EIF1AX: variants seen among roughly 807,000 people sequenced by gnomAD.
EIF1AX encodes eukaryotic translation initiation factor 1A X-linked.
In EIF1AX, 1 loss-of-function variant was observed where a neutral mutation model predicts 16.1. The ratio of observed to expected loss-of-function variants is 0.06; its 90% CI spans 0.02 to 0.30. The LOEUF is 0.30. EIF1AX is among the 10% of genes least tolerant of loss of function. The probability of loss-of-function intolerance (pLI) is 1.00; values close to 1 mark genes in which losing one functional copy is unlikely to be tolerated. For missense variants in EIF1AX, 11 were observed against 109.1 expected (o/e 0.10, Z 4.00); for synonymous variants, 32 against 37.3 (o/e 0.86, Z 0.51).
chrX:20,127,066 T>C lies in EIF1AX; in HGVS notation c.*1240A>G, dbSNP rs762485395. On this transcript the variant is annotated 3_prime_UTR_variant, in exon 7 of 7. Transcript: ENST00000379607. ...TTCAGTTTGGCTAGTGAGGGCTAAC[T>C]AGCTCAGCCCTAGTTTCATTTTATT... 41 of 145,537 alleles carry C rather than the reference T, an allele frequency of 2.8e-4. No individual in the cohort carries two copies. In the East Asian group the frequency reaches 4.5e-3, roughly 16 times the overall value. 12.0% of individuals were successfully genotyped at this position (145,537 alleles called of 1,213,427 possible). A position where few individuals can be genotyped will look rare whatever the true frequency, so the allele number is the denominator to read the frequency against.
At chrX:20,134,069 G>A (rs1418953274) in intron 3 of EIF1AX, 62 bp from the exon 4 acceptor site, 1 of 1,082,386 alleles carries the variant, frequency 9.2e-7, no homozygotes, top group South Asian at 2.0e-5. Context: ...AAATTCCAGA[G>A]TAACAATCAA....
At chrX:20,133,569 T>C (rs1182500395) in intron 4 of EIF1AX, among the ~76,000 whole-genome samples, 2 of 110,387 alleles carry the variant, frequency 1.8e-5, no homozygotes, top group South Asian at 3.8e-4. Context: ...GATAGTATCA[T>C]ACAGGGATGA....
At chrX:20,128,996 C>T (rs1240110472) in intron 6 of EIF1AX, among the ~76,000 whole-genome samples, 2 of 109,139 alleles carry the variant, frequency 1.8e-5, no homozygotes, top group Admixed American at 9.9e-5. Context: ...TTTGGGTTGG[C>T]GCTTAATCCA....
rs1164146160 is a variant in EIF1AX at position 20,125,775 on chromosome X, C to CACAA, written c.*2527_*2530dup. The CACAA allele has an allele frequency of 6.4e-6, 1 of 157,360 alleles. No homozygotes were observed. Among genetic ancestry groups the CACAA allele is most frequent in the African/African-American group, 3.0e-5 (1 of 32,897 alleles). The allele number at this position is 157,360 out of a possible 1,213,427, so 13.0% of individuals were successfully genotyped here. ...GATGAGATTAAGTTAAATTACAAGT[C>CACAA]ACAAAGAGTTTGTAAGCAAACATTT... On this transcript the variant is annotated 3_prime_UTR_variant, in exon 7 of 7. Coordinates refer to ENST00000379607, the MANE Select transcript of EIF1AX (RefSeq NM_001412.4).
intron 5 of EIF1AX, 127 bp from the exon 6 acceptor site, chrX:20,130,734 T>G: frequency 4.9e-6 from 3 of 608,828 alleles, no homozygotes; most frequent in Non-Finnish European, 4.6e-6. Context: ...ATTCCTGCAG[T>G]GTCACTGCTA....
intron 4 of EIF1AX, among the ~76,000 whole-genome samples, chrX:20,132,797 GA>G (rs2067004979): frequency 8.9e-6 from 1 of 112,279 alleles, no homozygotes; most frequent in African/African-American, 3.2e-5. Flanking sequence ...AGTATTGTGA[GA>G]AGTTCTTTAG....
chrX:20,137,369 C>A (rs1708015303), intron 2 of EIF1AX, among the ~76,000 whole-genome samples: 1 of 110,969 alleles, frequency 9.0e-6, no homozygotes, highest in South Asian at 3.8e-4. Context: ...TGGCGTGAAC[C>A]CGGGAGGTGG....
chrX:20,132,063 C>T (rs764745833), intron 5 of EIF1AX, 119 bp downstream of exon 5: 42 of 451,679 alleles, frequency 9.3e-5, no homozygotes, highest in Non-Finnish European at 1.5e-4. Context: ...GGCAGGCATA[C>T]TTAAAACTAA....
In EIF1AX at chrX:20,128,244, A is replaced by C; in HGVS notation, c.*62T>G. On this transcript the variant is annotated 3_prime_UTR_variant, in exon 7 of 7. Transcript: ENST00000379607. ...TGAAATTTTAATCTTCTTTGTCATGATCAAAATCCAAATTGTAGGACAATC... is the reference window on the plus strand; with the variant it reads ...TGAAATTTTAATCTTCTTTGTCATGCTCAAAATCCAAATTGTAGGACAATC... 1 of 1,085,144 alleles carries C rather than the reference A, an allele frequency of 9.2e-7. No individual in the cohort carries two copies. The highest frequency in any genetic ancestry group is 1.3e-6 in the Non-Finnish European group (1 of 791,463). 89.4% of individuals were successfully genotyped at this position (1,085,144 alleles called of 1,213,427 possible).
At chrX:20,136,095 T>G in intron 2 of EIF1AX, 1 of 323,050 alleles carries the variant, frequency 3.1e-6, no homozygotes, top group Non-Finnish European at 5.6e-6. Flanking sequence ...GAAAACTTCA[T>G]AGTTACAAAG....
intron 3 of EIF1AX, among the ~76,000 whole-genome samples, chrX:20,135,100 C>CTT (rs755530368): frequency 4.2e-4 from 37 of 88,202 alleles, no homozygotes; most frequent in Middle Eastern, 0.012. Context: ...AGTACCCCAG[C>CTT]TTTTTTTTTT....
At chrX:20,133,854 C>A in intron 4 of EIF1AX, 103 bp downstream of exon 4, 1 of 619,671 alleles carries the variant, frequency 1.6e-6, no homozygotes, top group East Asian at 3.6e-5. Flanking sequence ...AAACATAAAT[C>A]CCTGGGATAC....
chrX:20,127,113 A>C lies in EIF1AX; in HGVS notation c.*1193T>G, dbSNP rs868618805. On this transcript the variant is annotated 3_prime_UTR_variant, in exon 7 of 7. Coordinates refer to ENST00000379607, the MANE Select transcript of EIF1AX (RefSeq NM_001412.4). ...TATTAGAGTTGACCACTAAAAACTA[A>C]ATAAGGAAGTTACCAGTAAAGCTAA... 2,805 of 150,248 alleles carry C rather than the reference A, an allele frequency of 0.019. 2 individuals are homozygous for C. Among genetic ancestry groups the C allele is most frequent in the African/African-American group, 0.08 (2,575 of 32,268 alleles). 12.4% of individuals were successfully genotyped at this position (150,248 alleles called of 1,213,427 possible). A position where few individuals can be genotyped will look rare whatever the true frequency, so the allele number is the denominator to read the frequency against.
At position 20,136,341 on chromosome X, in the gene EIF1AX, G is replaced by A. The variant is rs144941267; in HGVS notation, c.101-500C>T. 175 of 349,139 alleles carry A rather than the reference G, an allele frequency of 5.0e-4. 1 individual carries two copies. Among genetic ancestry groups the A allele is most frequent in the African/African-American group, 4.1e-3 (159 of 38,620 alleles). 28.8% of individuals were successfully genotyped at this position (349,139 alleles called of 1,213,427 possible). A position where few individuals can be genotyped will look rare whatever the true frequency, so the allele number is the denominator to read the frequency against. ...GTAGAGATCATGCATCAGGTAGACC[G>A]GAAAGCCTTCTGATGCTCAGATTTG... On this transcript the variant is annotated intron_variant, in intron 2 of 6. Coordinates refer to ENST00000379607, the MANE Select transcript of EIF1AX (RefSeq NM_001412.4).
chrX:20,141,783 G>A lies in EIF1AX; in HGVS notation c.-143C>T, dbSNP rs1362336701. 1.7e-5 allele frequency: 10 copies of A among 589,425 alleles called. No individual in the cohort carries two copies. Among genetic ancestry groups the A allele is most frequent in the East Asian group, 4.4e-5 (1 of 22,733 alleles). The allele number at this position is 589,425 out of a possible 1,213,427, so 48.6% of individuals were successfully genotyped here. On this transcript the variant is annotated 5_prime_UTR_variant, in exon 1 of 7. Coordinates refer to ENST00000379607, the MANE Select transcript of EIF1AX (RefSeq NM_001412.4). Reference sequence around the variant, plus strand: ...CCAGGCAACGTGCGCGGGAGAGGCTGGCGACCCAGCTCTTCAGAGATCCGC... The same window carrying A: ...CCAGGCAACGTGCGCGGGAGAGGCTAGCGACCCAGCTCTTCAGAGATCCGC...
chrX:20,135,461 GA>G (rs1019444518), intron 3 of EIF1AX, among the ~76,000 whole-genome samples: 11 of 105,878 alleles, frequency 1.0e-4, no homozygotes, highest in Non-Finnish European at 1.2e-4. Context: ...AAAAGACAAG[GA>G]AAAAAAAAAC....
chrX:20,124,532 T>C lies in EIF1AX; in HGVS notation c.*3774A>G, dbSNP rs760685293. The C allele has an allele frequency of 2.2e-4, 33 of 146,895 alleles. No homozygotes were observed. The East Asian group carries it at 2.6e-3, about 12-fold the overall frequency. 12.1% of individuals were successfully genotyped at this position (146,895 alleles called of 1,213,427 possible). A position where few individuals can be genotyped will look rare whatever the true frequency, so the allele number is the denominator to read the frequency against. On this transcript the variant is annotated 3_prime_UTR_variant, in exon 7 of 7. Coordinates refer to ENST00000379607, the MANE Select transcript of EIF1AX (RefSeq NM_001412.4). ...AATCAATTGTATACATTGTTGAAAG[T>C]TGTTCATATTTTATTTTCTAATTGC...
intron 1 of EIF1AX, 101 bp downstream of exon 1, chrX:20,141,524 G>A (rs2067034127): frequency 1.8e-5 from 18 of 1,011,039 alleles, no homozygotes; most frequent in Non-Finnish European, 2.3e-5. Context: ...AGGGCGGGAA[G>A]GAAAAAGGGT....
At chrX:20,130,302 C>CAAAAAAAA (rs773734086) in intron 6 of EIF1AX, among the ~76,000 whole-genome samples, 17 of 28,464 alleles carry the variant, frequency 6.0e-4, no homozygotes, top group East Asian at 1.3e-3. Flanking sequence ...AACTCCATCA[C>CAAAAAAAA]AAAAAAAAAA....
Sources: gnomAD v4.1 joint callset for allele counts (sites outside exome capture counted in the v4.1 genomes callset) on GRCh38, gnomAD v4.1.1 for gene constraint, MANE v1.5 for transcripts, NCBI Gene and HGNC (gene_info 2026-07-23, HGNC 2026-07-21) for gene names.